Variants in ACP6 observed in about 807,000 individuals in gnomAD.
ACP6 encodes the protein acid phosphatase 6, lysophosphatidic.
In ACP6, 48 loss-of-function variants were observed where a neutral mutation model predicts 48.1. The observed-to-expected ratio is 1.00, with a 90% CI of 0.79 to 1.27. The LOEUF is 1.27. ACP6 is among the 50% of genes most tolerant of loss of function. ACP6 has a pLI of 0.00. For missense variants in ACP6, 485 were observed against 529.1 expected, an observed-to-expected ratio of 0.92 and a Z score of 0.82; for synonymous variants, 172 against 204.2, an observed-to-expected ratio of 0.84 and a Z score of 1.34.
rs782019715 is a variant in ACP6, at chr1:147,647,563, G to C, written c.1147C>G (p.Gln383Glu). 1 of 1,611,840 alleles carries C rather than the reference G, an allele frequency of 6.2e-7. No individual in the cohort carries two copies. Among genetic ancestry groups the C allele is most frequent in the Admixed American group, 1.7e-5 (1 of 59,816 alleles). The change falls in exon 10 of 10, where the codon CAG becomes GAG. Residue 383 changes from glutamine (Q) to glutamate (E), a missense_variant. Physicochemically the swap from Gln to Glu is conservative, Grantham distance 29. Transcript: ENST00000583509. ...CCATCAGGGCAACCTCTCGGCACCT[G>C]CTCCTGCAGAAGAAACATAACTCAG... ...FVQLYYHGKEQVPRGCPDGLC... is the reference protein window; with the variant it reads ...FVQLYYHGKEEVPRGCPDGLC...
chr1:147,630,970 C>T (rs1192436527), exon 6 of ACP6: 2 of 152,146 alleles, frequency 1.3e-5, no homozygotes, highest in Non-Finnish European at 2.9e-5. Flanking sequence ...GAAATGTCAA[C>T]ACTGCAATGA....
intron 6 of ACP6, 44 bp from the exon 7 acceptor site, chr1:147,652,593 T>C (rs908711625): frequency 1.2e-6 from 2 of 1,613,262 alleles, no homozygotes; most frequent in Admixed American, 3.3e-5. Flanking sequence ...GCTTCTTACC[T>C]ACTGATTCTG....
At chr1:147,650,281 G>T in intron 7 of ACP6, 43 bp from the exon 8 acceptor site, 1 of 1,417,394 alleles carries the variant, frequency 7.1e-7, no homozygotes. Context: ...AGGGCACTCA[G>T]CATTCAGGGG....
chr1:147,648,151 C>T, intron 9 of ACP6, 95 bp downstream of exon 9: 1 of 1,441,436 alleles, frequency 6.9e-7, no homozygotes, highest in Non-Finnish European at 9.6e-7. Flanking sequence ...AGAGACTCCA[C>T]TGGGCCTGAG....
intron 8 of ACP6, among the ~76,000 whole-genome samples, chr1:147,649,109 A>G (rs1659777885): frequency 6.6e-6 from 1 of 152,212 alleles, no homozygotes. Context: ...TGGTATTCAC[A>G]AGATTTGCTA....
intron 9 of ACP6, 140 bp downstream of exon 9, chr1:147,648,106 T>C: frequency 1.1e-6 from 1 of 941,182 alleles, no homozygotes; most frequent in Non-Finnish European, 1.6e-6. Flanking sequence ...AGCCAGGAGT[T>C]GCCCTATAGG....
intron 5 of ACP6, among the ~76,000 whole-genome samples, chr1:147,632,590 A>T (rs895476888): frequency 6.6e-6 from 1 of 152,152 alleles, no homozygotes; most frequent in Non-Finnish European, 1.5e-5. Flanking sequence ...CTTAAACAAA[A>T]TTGATCATGT....
At position 147,670,346 on chromosome 1, in the gene ACP6, C is replaced by T. The variant is rs761489412; in HGVS notation, c.-298G>A. 6.3e-4 allele frequency: 192 copies of T among 306,758 alleles called. No individual in the cohort carries two copies. The highest frequency in any genetic ancestry group is 1.0e-3 in the Non-Finnish European group (171 of 165,708). The allele number at this position is 306,758 out of a possible 1,614,324, so 19.0% of individuals were successfully genotyped here. ...GGGGAGATCGGATCCTTATCTTTTG[C>T]CCGACGAGGAACATTAAACTTGTAT... is the stretch of plus-strand genomic sequence containing the variant. On this transcript the variant is annotated 5_prime_UTR_variant, in exon 1 of 10. Transcript: ENST00000583509.
intron 1 of ACP6, among the ~76,000 whole-genome samples, chr1:147,665,290 C>T (rs1337961061): frequency 6.6e-6 from 1 of 152,120 alleles, no homozygotes; most frequent in Non-Finnish European, 1.5e-5. Flanking sequence ...AGCAATAGTC[C>T]ACATGAGAGC....
intron 8 of ACP6, chr1:147,649,888 GTT>G: frequency 2.0e-6 from 1 of 506,932 alleles, no homozygotes; most frequent in Non-Finnish European, 3.4e-6. Flanking sequence ...ATTGGCTACT[GTT>G]TGACATATCT....
intron 7 of ACP6, 127 bp downstream of exon 7, chr1:147,652,322 G>A (rs1274401459): frequency 1.1e-5 from 10 of 916,394 alleles, no homozygotes; most frequent in Non-Finnish European, 1.3e-5. Context: ...GGGCAGAATG[G>A]GGTTCAGCCT....
intron 5 of ACP6, chr1:147,631,192 CAT>C (rs1659153342): frequency 1.3e-5 from 2 of 152,144 alleles, no homozygotes; most frequent in South Asian, 4.1e-4. Context: ...TCAAACTTAA[CAT>C]GTCTTAAACT....
At chr1:147,639,875 T>C (rs112245047), downstream of ACP6, among the ~76,000 whole-genome samples, 1,192 of 152,194 alleles carry the variant, frequency 7.8e-3, 16 homozygotes, top group African/African-American at 0.027. Context: ...TTCCTACCAA[T>C]ATAAACAGCT....
At chr1:147,639,243 G>A (rs587706687), downstream of ACP6, among the ~76,000 whole-genome samples, 20 of 152,240 alleles carry the variant, frequency 1.3e-4, no homozygotes, top group East Asian at 3.9e-3. Flanking sequence ...TCAGTTTCCA[G>A]GGATATTTCC....
chr1:147,649,678 G>A (rs981599739), intron 8 of ACP6: 3 of 162,908 alleles, frequency 1.8e-5, no homozygotes, highest in Non-Finnish European at 4.0e-5. Flanking sequence ...TCCTGACCTC[G>A]TGATCCACTC....
intron 7 of ACP6, 118 bp from the exon 8 acceptor site, chr1:147,650,356 T>C (rs1405485880): frequency 6.2e-6 from 4 of 648,100 alleles, no homozygotes; most frequent in Middle Eastern, 2.7e-4. Flanking sequence ...AGGCAAGTAA[T>C]GCATAAGGGC....
chr1:147,632,947 A>G (rs1220580803), intron 5 of ACP6, among the ~76,000 whole-genome samples: 2 of 152,144 alleles, frequency 1.3e-5, no homozygotes, highest in African/African-American at 4.8e-5. Context: ...GAGAAGAGGT[A>G]GGAATCAAAC....
intron 6 of ACP6, 81 bp from the exon 7 acceptor site, chr1:147,652,630 G>A (rs1553210779): frequency 6.2e-7 from 1 of 1,608,706 alleles, no homozygotes; most frequent in South Asian, 1.1e-5. Flanking sequence ...CATGGAACCT[G>A]CAGGAGCCCA....
intron 2 of ACP6, 31 bp downstream of exon 2, chr1:147,659,616 G>A (rs782662012): frequency 8.7e-6 from 14 of 1,613,780 alleles, no homozygotes; most frequent in Non-Finnish European, 1.2e-5. Context: ...CTTTGCAGTG[G>A]GGCTCCCCAG....
Sources: gnomAD v4.1 joint callset for allele counts (sites outside exome capture counted in the v4.1 genomes callset) on GRCh38, gnomAD v4.1.1 for gene constraint, MANE v1.5 for transcripts, NCBI Gene and HGNC (gene_info 2026-07-23, HGNC 2026-07-21) for gene names.